The following SHE variants were observed in gnomAD, a reference collection of about 807,000 sequenced individuals.
SHE encodes Src homology 2 domain containing E.
In SHE, 11 loss-of-function variants were observed where a neutral mutation model predicts 49.8. That is an observed-to-expected ratio of 0.22 (90% CI 0.14 to 0.37). The LOEUF (loss-of-function observed/expected upper bound fraction) is 0.37, where lower values mean the gene tolerates loss of function less well. Ranked by LOEUF, SHE falls within the 10% of genes least tolerant of loss-of-function variation. SHE has a pLI of 1.00. For missense variants in SHE, 624 were observed against 655.5 expected (o/e 0.95, Z 0.52); for synonymous variants, 310 against 278.1 (o/e 1.11, Z -1.14).
chr1:154,491,014 C>G (rs900985175), intron 2 of SHE, among the ~76,000 whole-genome samples: 1 of 152,096 alleles, frequency 6.6e-6, no homozygotes, highest in African/African-American at 2.4e-5. Flanking sequence ...TGGTGAGCAG[C>G]CTGGGGTCAA....
chr1:154,480,406 G>C lies in SHE; in HGVS notation c.*3743C>G, dbSNP rs1243103682. ...CCCACTTAACCCGCAACTGAAGAATGCCTCACAGTTATTCTTCTGAATATC... is the reference window on the plus strand; with the variant it reads ...CCCACTTAACCCGCAACTGAAGAATCCCTCACAGTTATTCTTCTGAATATC... On this transcript the variant is annotated 3_prime_UTR_variant, in exon 6 of 6. Coordinates refer to ENST00000304760, the MANE Select transcript of SHE (RefSeq NM_001010846.3). 3 of 985,264 alleles carry C rather than the reference G, an allele frequency of 3.0e-6. No homozygotes were observed. The highest frequency in any genetic ancestry group is 3.6e-6 in the Non-Finnish European group (3 of 829,918). 61.0% of individuals were successfully genotyped at this position (985,264 alleles called of 1,614,324 possible).
In SHE at chr1:154,486,660, G is replaced by A. The variant is rs1050498876; in HGVS notation, c.1048C>T (p.Pro350Ser). 6.2e-7 allele frequency: 1 copy of A among 1,614,010 alleles called. No individual in the cohort carries two copies. The highest frequency in any genetic ancestry group is 8.5e-7 in the Non-Finnish European group (1 of 1,180,038). ...CTCACTGTCTCCTCCCTGAAGGAAG[G>A]TCGCTCAGCTCCTTCAAACTGGACT... The part of the protein sequence containing the change: ...LSVQFEGAER[P>S]SFREETVRQH... The change falls in exon 4 of 6, where the codon CCT (proline) becomes TCT (serine). Residue 350 changes from proline to serine, a missense_variant. Pro to Ser is a moderately conservative substitution (Grantham distance 74, BLOSUM62 -1). This residue lies in a region of SHE where 125 missense variants were observed against 181.7 expected (regional missense o/e 0.69). Transcript: ENST00000304760.
intron 2 of SHE, among the ~76,000 whole-genome samples, chr1:154,497,911 G>C (rs1157992118): frequency 6.6e-6 from 1 of 151,856 alleles, no homozygotes. Context: ...TCGAACTCCC[G>C]ACCTCAGGTG....
intron 2 of SHE, among the ~76,000 whole-genome samples, chr1:154,489,681 TA>T (rs1301291456): frequency 6.6e-6 from 1 of 152,262 alleles, no homozygotes; most frequent in African/African-American, 2.4e-5. Flanking sequence ...GGCCTCAGGG[TA>T]ACCTGCTTCA....
chr1:154,486,012 G>A lies in SHE; in HGVS notation c.1232C>T (p.Pro411Leu), dbSNP rs377637019. 198 of 1,613,902 alleles carry A rather than the reference G, an allele frequency of 1.2e-4. No individual in the cohort carries two copies. The highest frequency in any genetic ancestry group is 1.6e-4 in the Non-Finnish European group (192 of 1,179,968). The change falls in exon 5 of 6, where the codon CCC becomes CTC. Residue 411 changes from proline to leucine, a missense_variant. By Grantham distance (98) the Pro-to-Leu change is moderately conservative. Transcript: ENST00000304760. ...AACCAGGTAACCAGCTTCTTTGCAG[G>A]GCTGTAGTCGACTCTCAGCCTCAGC... Reference protein sequence around the residue: ...SRAEAESRLQPCKEAGYLVRN... With the variant: ...SRAEAESRLQLCKEAGYLVRN...
Position 154,489,378 on chromosome 1 carries a change from T to G in SHE, c.719-22A>C, listed in dbSNP as rs370414916. ...ATTTCTGAAAAACACACACCATTTC[T>G]GAAAAACACACACCATACACAATGT... On this transcript the variant is annotated intron_variant, in intron 2 of 5. Coordinates refer to ENST00000304760, the MANE Select transcript of SHE (RefSeq NM_001010846.3). 1.1e-5 allele frequency: 17 copies of G among 1,604,564 alleles called. No homozygotes were observed. The African/African-American group carries it at 1.7e-4, about 17-fold the overall frequency.
chr1:154,474,607 C>A (rs1179412247), downstream of SHE, among the ~76,000 whole-genome samples: 1 of 152,074 alleles, frequency 6.6e-6, no homozygotes, highest in African/African-American at 2.4e-5. Context: ...CAGGTTCAAG[C>A]GATTCTCCTG....
intron 4 of SHE, 67 bp downstream of exon 4, chr1:154,486,460 G>A (rs1320724849): frequency 3.8e-6 from 6 of 1,572,116 alleles, no homozygotes; most frequent in Non-Finnish European, 5.2e-6. Context: ...GGGCCAATGT[G>A]CTCCCTGATA....
intron 2 of SHE, 43 bp from the exon 3 acceptor site, chr1:154,489,399 A>C: frequency 1.9e-6 from 3 of 1,577,596 alleles, no homozygotes; most frequent in Non-Finnish European, 2.6e-6. Flanking sequence ...CACCATACAC[A>C]ATGTCTTGAA....
At chr1:154,474,558 A>C (rs1691830247), downstream of SHE, among the ~76,000 whole-genome samples, 1 of 152,010 alleles carries the variant, frequency 6.6e-6, no homozygotes, top group African/African-American at 2.4e-5. Flanking sequence ...CCCAGGCTGG[A>C]GTGCAGTGGT....
chr1:154,471,015 CAAAA>C (rs36080925), intron 1 of SHE, among the ~76,000 whole-genome samples: 1 of 136,200 alleles, frequency 7.3e-6, no homozygotes, highest in South Asian at 2.3e-4. Flanking sequence ...GACTCCATCT[CAAAA>C]AAAAAAAAAC....
rs754849767 is a variant in SHE at position 154,489,245 on chromosome 1, C to T, written c.830G>A (p.Arg277Gln). The change falls in exon 3 of 6, where the codon CGG (arginine) becomes CAG (glutamine). Residue 277 changes from arginine to glutamine, a missense_variant. This residue lies in a region of SHE where 155 missense variants were observed against 142.0 expected (regional missense o/e 1.09). Transcript: ENST00000304760. Reference protein sequence around the residue: ...GLKSETLAKRRSSKDLLGKPP... With the variant: ...GLKSETLAKRQSSKDLLGKPP... Reference sequence around the variant, plus strand: ...CTTCCCCAGGAGGTCCTTGGAACTCCGTCTTTTGGCCAAGGTCTCTGATTT... The same window carrying T: ...CTTCCCCAGGAGGTCCTTGGAACTCTGTCTTTTGGCCAAGGTCTCTGATTT... 19 of 1,614,198 alleles carry T rather than the reference C, an allele frequency of 1.2e-5. No individual in the cohort carries two copies. Among genetic ancestry groups the T allele is most frequent in the East Asian group, 2.2e-5 (1 of 44,882 alleles).
Position 154,483,928 on chromosome 1 carries a change from T to G in SHE, c.*221A>C. ...GGGAAGAACTGCTTGAACCCAGGAG[T>G]CAGATGTTGCAGTGAGCCAAGATTG... On this transcript the variant is annotated 3_prime_UTR_variant, in exon 6 of 6. Coordinates refer to ENST00000304760, the MANE Select transcript of SHE (RefSeq NM_001010846.3). 1 of 1,273,218 alleles carries G rather than the reference T, an allele frequency of 7.9e-7. No homozygotes were observed. Among genetic ancestry groups the G allele is most frequent in the African/African-American group, 1.5e-5 (1 of 66,426 alleles). 78.9% of individuals were successfully genotyped at this position (1,273,218 alleles called of 1,614,324 possible). A position where few individuals can be genotyped will look rare whatever the true frequency, so the allele number is the denominator to read the frequency against.
At position 154,499,116 on chromosome 1, in the gene SHE, T is replaced by A. The variant is rs1490094703; in HGVS notation, c.714A>T (p.Ile238=). 1 of 1,614,058 alleles carries A rather than the reference T, an allele frequency of 6.2e-7. No individual in the cohort carries two copies. The highest frequency in any genetic ancestry group is 1.1e-5 in the South Asian group (1 of 91,074). The change falls in exon 2 of 6, where the codon ATA becomes ATT. Residue 238 remains isoleucine, a synonymous_variant. Transcript: ENST00000304760. ...CTGTAGAGCCTGCTTACAAACCTGT[T>A]ATCATTTGCTGTGCATCATATGGTT... ...YMEPYDAQQM[I]TEIRRRGSKD...
At chr1:154,501,300 C>T (rs751099034) in intron 1 of SHE, 136 bp downstream of exon 1, 4 of 794,600 alleles carry the variant, frequency 5.0e-6, no homozygotes, top group Non-Finnish European at 8.2e-6. Context: ...GTCAGGAATT[C>T]CCAAATGGTG....
intron 5 of SHE, chr1:154,485,064 A>C (rs1041086032): frequency 5.3e-5 from 8 of 151,830 alleles, no homozygotes; most frequent in African/African-American, 1.9e-4. Context: ...CTTTTTTTCC[A>C]AAAAGAACAC....
intron 4 of SHE, 37 bp from the exon 5 acceptor site, chr1:154,486,099 A>G: frequency 6.2e-7 from 1 of 1,600,662 alleles, no homozygotes; most frequent in Non-Finnish European, 8.5e-7. Context: ...AAGCACCATG[A>G]GTGTCAAAAT....
rs1042813338 is a variant in SHE at position 154,481,414 on chromosome 1, A to G, written c.*2735T>C. 4.1e-6 allele frequency: 4 copies of G among 985,356 alleles called. 1 individual carries two copies. Among genetic ancestry groups the G allele is most frequent in the South Asian group, 4.7e-5 (1 of 21,296 alleles). The allele number at this position is 985,356 out of a possible 1,614,324, so 61.0% of individuals were successfully genotyped here. A position where few individuals can be genotyped will look rare whatever the true frequency, so the allele number is the denominator to read the frequency against. On this transcript the variant is annotated 3_prime_UTR_variant, in exon 6 of 6. Coordinates refer to ENST00000304760, the MANE Select transcript of SHE (RefSeq NM_001010846.3). The stretch of plus-strand genomic sequence containing the variant: ...CTCTACTTTTAATTCTATAAAGAAT[A>G]TAGTATGACTTGTCACAGAGAAACA...
At chr1:154,490,807 T>C (rs557241395) in intron 2 of SHE, among the ~76,000 whole-genome samples, 47 of 151,984 alleles carry the variant, frequency 3.1e-4, no homozygotes, top group East Asian at 9.6e-4. Context: ...TTTTTTTTTT[T>C]CAGTGGGGAA....
Sources: allele counts gnomAD v4.1 joint callset (sites outside exome capture counted in the v4.1 genomes callset), GRCh38; gene constraint gnomAD v4.1.1; regional missense constraint gnomAD v4.1.1; transcripts MANE v1.5; gene names NCBI Gene and HGNC (gene_info 2026-07-23, HGNC 2026-07-21).